Variants in SV2C observed in about 807,000 individuals in gnomAD.
The protein encoded by SV2C is solute carrier family 22 member B3.
A neutral mutation model predicts 79.7 loss-of-function variants in SV2C; 49 were observed. The observed-to-expected ratio is 0.61, with a 90% CI of 0.49 to 0.78. The LOEUF (loss-of-function observed/expected upper bound fraction) is 0.78. Among genes scored for constraint, SV2C ranks in the 30% least tolerant of loss-of-function variants. The probability of loss-of-function intolerance (pLI) is 0.00; values close to 1 mark genes in which losing one functional copy is unlikely to be tolerated. For synonymous variants in SV2C, 334 were observed against 333.2 expected, an observed-to-expected ratio of 1.00 and a Z score of -0.03; for missense variants, 833 against 912.9, an observed-to-expected ratio of 0.91 and a Z score of 1.13.
chr5:76,317,922 T>C (rs1373639281), intron 12 of SV2C, among the ~76,000 whole-genome samples: 1 of 152,194 alleles, frequency 6.6e-6, no homozygotes, highest in South Asian at 2.1e-4. Context: ...AATAGTCACA[T>C]GGTGCCTACC....
At chr5:76,142,598 T>A (rs2112211219) in intron 2 of SV2C, among the ~76,000 whole-genome samples, 1 of 152,346 alleles carries the variant, frequency 6.6e-6, no homozygotes, top group African/African-American at 2.4e-5. Context: ...ATGTATCCAG[T>A]CCTTTGCTTA....
Position 76,328,114 on chromosome 5 carries a change from G to A in SV2C, c.*2567G>A, listed in dbSNP as rs535169672. The A allele has an allele frequency of 6.6e-6, 1 of 152,316 alleles. No homozygotes were observed. Among genetic ancestry groups the A allele is most frequent in the East Asian group, 1.9e-4 (1 of 5,180 alleles). The allele number at this position is 152,316 out of a possible 1,614,324, so 9.4% of individuals were successfully genotyped here. A position where few individuals can be genotyped will look rare whatever the true frequency, so the allele number is the denominator to read the frequency against. On this transcript the variant is annotated 3_prime_UTR_variant, in exon 13 of 13. Coordinates refer to ENST00000502798, the MANE Select transcript of SV2C (RefSeq NM_014979.4). Reference sequence around the variant, plus strand: ...TAAGAGAGCTCAAATCATTTCCAAAGCATGTGGTGTGGCCTGTATAGCTTG... The same window carrying A: ...TAAGAGAGCTCAAATCATTTCCAAAACATGTGGTGTGGCCTGTATAGCTTG...
intron 2 of SV2C, among the ~76,000 whole-genome samples, chr5:76,141,603 C>T (rs997269661): frequency 6.6e-6 from 1 of 152,000 alleles, no homozygotes; most frequent in African/African-American, 2.4e-5. Flanking sequence ...GCAGGTGGAT[C>T]ACTTGAGGTC....
Position 76,168,987 on chromosome 5 carries a change from T to C in SV2C, c.581-25932T>C, listed in dbSNP as rs77130823. ...AGTCAGTACTCTAGTGGGCCTCCCC[T>C]ATTTTTCCCTATTAATTAATGAACT... is the stretch of plus-strand genomic sequence containing the variant. On this transcript the variant is annotated intron_variant, in intron 2 of 12. Coordinates refer to ENST00000502798, the MANE Select transcript of SV2C (RefSeq NM_014979.4). Among the ~76,000 whole-genome samples, 296 of 152,358 alleles carry C rather than the reference T, an allele frequency of 1.9e-3. 1 individual carries two copies. Among genetic ancestry groups the C allele is most frequent in the African/African-American group, 7.0e-3 (292 of 41,578 alleles).
chr5:76,321,306 A>AG (rs1426679275), intron 12 of SV2C, among the ~76,000 whole-genome samples: 5 of 151,910 alleles, frequency 3.3e-5, no homozygotes, highest in Admixed American at 6.6e-5. Context: ...GGGGGAAAAA[A>AG]AAAACAAGGT....
At chr5:75,884,833 GAAA>G in the SV2C span, among the ~76,000 whole-genome samples, 1 of 151,700 alleles carries the variant, frequency 6.6e-6, no homozygotes, top group Non-Finnish European at 1.5e-5. Context: ...AATAGAAAAA[GAAA>G]AAACCATATT....
intron 2 of SV2C, among the ~76,000 whole-genome samples, chr5:76,162,879 T>C (rs1211335118): frequency 3.3e-5 from 5 of 152,224 alleles, no homozygotes; most frequent in Non-Finnish European, 7.3e-5. Flanking sequence ...GTTTGCCTGA[T>C]GTCTTTAGTG....
chr5:75,866,806 C>T, the SV2C span, among the ~76,000 whole-genome samples: 6 of 152,052 alleles, frequency 3.9e-5, no homozygotes, highest in Admixed American at 3.3e-4. Flanking sequence ...AGTTTCTAGG[C>T]AGAGGAGGGG....
chr5:76,353,668 T>C (rs941109289), exon 13 of SV2C: 1 of 152,300 alleles, frequency 6.6e-6, no homozygotes, highest in African/African-American at 2.4e-5. Flanking sequence ...CTTTACACAC[T>C]TGCCCAGGGG....
chr5:75,946,569 C>A, the SV2C span, among the ~76,000 whole-genome samples: 1 of 151,880 alleles, frequency 6.6e-6, no homozygotes, highest in Admixed American at 6.6e-5. Context: ...TTTGCATTAC[C>A]GTATGAATAA....
chr5:76,079,456 C>CA, upstream of SV2C: 1 of 295,608 alleles, frequency 3.4e-6, no homozygotes, highest in Non-Finnish European at 6.9e-6. Context: ...TGAAGAGGCA[C>CA]ACCAAAGAAG....
At chr5:76,317,815 C>G (rs552438431) in intron 12 of SV2C, among the ~76,000 whole-genome samples, 1 of 151,624 alleles carries the variant, frequency 6.6e-6, no homozygotes. Flanking sequence ...GGCAACAGAG[C>G]AAGGCCCTGC....
At chr5:75,991,890 TATC>T in the SV2C span, among the ~76,000 whole-genome samples, 1 of 151,838 alleles carries the variant, frequency 6.6e-6, no homozygotes, top group Non-Finnish European at 1.5e-5. Flanking sequence ...GTTAGTTTCT[TATC>T]ATTTTAATTA....
At chr5:76,167,438 G>C (rs1350940749) in intron 2 of SV2C, among the ~76,000 whole-genome samples, 1 of 152,138 alleles carries the variant, frequency 6.6e-6, no homozygotes, top group Non-Finnish European at 1.5e-5. Context: ...TTTCAGAGTT[G>C]AGTTTCTGCA....
chr5:76,321,408 C>G (rs1171268637), intron 12 of SV2C, among the ~76,000 whole-genome samples: 3 of 152,054 alleles, frequency 2.0e-5, no homozygotes, highest in Admixed American at 6.5e-5. Flanking sequence ...AATTCATACT[C>G]TCTCATGGTG....
the SV2C span, among the ~76,000 whole-genome samples, chr5:75,872,250 G>T: frequency 4.0e-5 from 6 of 151,304 alleles, no homozygotes; most frequent in East Asian, 1.2e-3. Context: ...TAGGTAATAT[G>T]AAAAAAGGCC....
At chr5:76,107,079 A>C (rs1218066289) in intron 1 of SV2C, among the ~76,000 whole-genome samples, 1 of 152,232 alleles carries the variant, frequency 6.6e-6, no homozygotes, top group East Asian at 1.9e-4. Context: ...CACAAAAATG[A>C]GTATACAAAG....
chr5:76,202,631 A>G (rs1744487386), intron 3 of SV2C, among the ~76,000 whole-genome samples: 1 of 152,242 alleles, frequency 6.6e-6, no homozygotes. Context: ...CCAATATGTA[A>G]AATGAGGCAA....
At chr5:76,079,178 C>G, upstream of SV2C, 1 of 336,386 alleles carries the variant, frequency 3.0e-6, no homozygotes, top group South Asian at 3.4e-5. Flanking sequence ...GATGTTGATT[C>G]GGCAGAGTGA....
Sources: gnomAD v4.1 joint callset for allele counts (sites outside exome capture counted in the v4.1 genomes callset) on GRCh38, gnomAD v4.1.1 for gene constraint, MANE v1.5 for transcripts, NCBI Gene and HGNC (gene_info 2026-07-23, HGNC 2026-07-21) for gene names.